Variants in ARHGAP20 observed in about 807,000 individuals in gnomAD.
ARHGAP20 encodes the protein Rho GTPase activating protein 20.
A neutral mutation model predicts 73.7 loss-of-function variants in ARHGAP20; 34 were observed. The ratio of observed to expected loss-of-function variants is 0.46; its 90% CI spans 0.35 to 0.61. The LOEUF is 0.61. Ranked by LOEUF, ARHGAP20 falls within the 20% of genes least tolerant of loss-of-function variation. The probability of loss-of-function intolerance (pLI) is 0.00; values close to 1 mark genes in which losing one functional copy is unlikely to be tolerated. For missense variants in ARHGAP20, 1,314 were observed against 1,420.9 expected, an observed-to-expected ratio of 0.92 and a Z score of 1.21; for synonymous variants, 523 against 518.2, an observed-to-expected ratio of 1.01 and a Z score of -0.13.
intron 3 of ARHGAP20, among the ~76,000 whole-genome samples, chr11:110,629,330 A>G (rs1343282351): frequency 6.6e-6 from 1 of 152,186 alleles, no homozygotes; most frequent in Non-Finnish European, 1.5e-5. Context: ...AACAACTCTT[A>G]TCTTGGGGGA....
chr11:110,626,991 C>T (rs1033556709), intron 3 of ARHGAP20, among the ~76,000 whole-genome samples: 1 of 151,874 alleles, frequency 6.6e-6, no homozygotes, highest in African/African-American at 2.4e-5. Context: ...TAATGTGAAC[C>T]GGCTCCAATA....
At chr11:110,713,146 A>G (rs1172200347), upstream of ARHGAP20, 1 of 152,296 alleles carries the variant, frequency 6.6e-6, no homozygotes. Context: ...AAATGCAGAC[A>G]GAGCGAGGAC....
intron 2 of ARHGAP20, among the ~76,000 whole-genome samples, chr11:110,666,299 G>T (rs1473724004): frequency 6.6e-6 from 1 of 152,146 alleles, no homozygotes; most frequent in Admixed American, 6.5e-5. Context: ...TGATATAAAT[G>T]AAATGCAATC....
chr11:110,700,821 A>T (rs1316427450), intron 1 of ARHGAP20, among the ~76,000 whole-genome samples: 9 of 145,456 alleles, frequency 6.2e-5, no homozygotes, highest in Admixed American at 3.6e-4. Flanking sequence ...TTCCCACCTA[A>T]GAGTGAGAAT....
chr11:110,690,844 A>C, intron 1 of ARHGAP20: 2 of 928,330 alleles, frequency 2.2e-6, no homozygotes, highest in Non-Finnish European at 1.6e-6. Flanking sequence ...AAAAGCAATA[A>C]GTATTTTTTG....
At chr11:110,618,100 GC>G (rs1032333944) in intron 4 of ARHGAP20, among the ~76,000 whole-genome samples, 2 of 151,934 alleles carry the variant, frequency 1.3e-5, no homozygotes, top group Non-Finnish European at 2.9e-5. Context: ...CCCACCCCCT[GC>G]CCCCCTTTAT....
At chr11:110,680,310 T>C (rs1278614276) in intron 2 of ARHGAP20, among the ~76,000 whole-genome samples, 4 of 152,114 alleles carry the variant, frequency 2.6e-5, no homozygotes, top group Non-Finnish European at 5.9e-5. Context: ...CCATACTTTC[T>C]TAACCACAAT....
chr11:110,709,101 G>T (rs750192736), intron 1 of ARHGAP20, among the ~76,000 whole-genome samples: 1 of 152,046 alleles, frequency 6.6e-6, no homozygotes, highest in Non-Finnish European at 1.5e-5. Context: ...TTCTCTAAAC[G>T]AAGTTTTATT....
At position 110,664,417 on chromosome 11, in the gene ARHGAP20, A is replaced by G. The variant is rs1012203517; in HGVS notation, c.188+26130T>C. 6.6e-5 allele frequency among the ~76,000 whole-genome samples: 10 copies of G among 152,284 alleles called. No homozygotes were observed. In the East Asian group the frequency reaches 1.9e-3, roughly 29 times the overall value. On this transcript the variant is annotated intron_variant, in intron 2 of 14. Transcript: ENST00000683387. ...ATATCAATTGTATTTCTACATATAGACAACACACATTCAAAAAAATGAAAG... is the reference window on the plus strand; with the variant it reads ...ATATCAATTGTATTTCTACATATAGGCAACACACATTCAAAAAAATGAAAG...
intron 14 of ARHGAP20, among the ~76,000 whole-genome samples, chr11:110,581,540 T>C (rs888022126): frequency 6.6e-6 from 1 of 152,238 alleles, no homozygotes; most frequent in Non-Finnish European, 1.5e-5. Flanking sequence ...ATCCAGATTC[T>C]GAGTAAGACT....
chr11:110,643,166 T>G (rs968316945), intron 2 of ARHGAP20, among the ~76,000 whole-genome samples: 1 of 152,046 alleles, frequency 6.6e-6, no homozygotes, highest in Non-Finnish European at 1.5e-5. Flanking sequence ...GATCTTCTTT[T>G]TCTTTGTTAT....
chr11:110,589,641 T>A (rs1947770384), intron 11 of ARHGAP20: 6 of 985,424 alleles, frequency 6.1e-6, no homozygotes, highest in Middle Eastern at 1.0e-3. Context: ...ACTGTAGGTG[T>A]TTCCAAAAAT....
chr11:110,629,038 A>C (rs7111015), intron 3 of ARHGAP20, among the ~76,000 whole-genome samples: 3,623 of 152,260 alleles, frequency 0.024, 127 homozygotes, highest in African/African-American at 0.076. Flanking sequence ...AAGGGGAAAA[A>C]TATCCAAAAA....
intron 2 of ARHGAP20, among the ~76,000 whole-genome samples, chr11:110,680,249 T>C (rs1405994863): frequency 1.3e-5 from 2 of 152,146 alleles, no homozygotes; most frequent in Non-Finnish European, 2.9e-5. Context: ...TTCTCACATC[T>C]GGTAAGAAGA....
Position 110,603,064 on chromosome 11 carries a change from G to T in ARHGAP20, c.964+3497C>A, listed in dbSNP as rs115704015. Among the ~76,000 whole-genome samples, 203 of 152,250 alleles carry T rather than the reference G, an allele frequency of 1.3e-3. 1 individual carries two copies. Among genetic ancestry groups the T allele is most frequent in the African/African-American group, 4.6e-3 (193 of 41,560 alleles). On this transcript the variant is annotated intron_variant, in intron 9 of 14. Transcript: ENST00000683387. ...CTAAGATTATTCATTGTATTGTTTTGATCAGTGGTACTACCTGAAAAATAT... is the reference window on the plus strand; with the variant it reads ...CTAAGATTATTCATTGTATTGTTTTTATCAGTGGTACTACCTGAAAAATAT...
At chr11:110,679,856 T>C (rs2135090529) in intron 2 of ARHGAP20, among the ~76,000 whole-genome samples, 1 of 152,312 alleles carries the variant, frequency 6.6e-6, no homozygotes, top group African/African-American at 2.4e-5. Flanking sequence ...GATGACATGG[T>C]GTACATGTAA....
chr11:110,687,057 GACAC>G (rs761078220), intron 2 of ARHGAP20, among the ~76,000 whole-genome samples: 10 of 117,658 alleles, frequency 8.5e-5, no homozygotes, highest in East Asian at 2.6e-4. Context: ...TATATATATA[GACAC>G]ACACACACAC....
rs371149214 is a variant in ARHGAP20 at position 110,623,110 on chromosome 11, A to AT, written c.503+1051dup. 6.1e-3 allele frequency among the ~76,000 whole-genome samples: 923 copies of AT among 150,390 alleles called. 7 individuals carry two copies. The highest frequency in any genetic ancestry group is 0.016 in the African/African-American group (653 of 41,080). On this transcript the variant is annotated intron_variant, in intron 4 of 14. Transcript: ENST00000683387. ...GATATGCTGAGAATGAAACAAACAC[A>AT]TTTTTTTTTTCCAAATCAGTTCTTA...
intron 1 of ARHGAP20, among the ~76,000 whole-genome samples, chr11:110,710,864 A>T (rs1022077395): frequency 6.6e-6 from 1 of 152,238 alleles, no homozygotes; most frequent in Non-Finnish European, 1.5e-5. Context: ...AAATCAAGAC[A>T]AGCAGGGAAC....
Sources: gnomAD v4.1 joint callset for allele counts (sites outside exome capture counted in the v4.1 genomes callset) on GRCh38, gnomAD v4.1.1 for gene constraint, MANE v1.5 for transcripts, NCBI Gene and HGNC (gene_info 2026-07-23, HGNC 2026-07-21) for gene names.